SULF1: variants seen among roughly 807,000 people sequenced by gnomAD.
SULF1 encodes sulfatase 1.
In SULF1, 46 loss-of-function variants were observed where a neutral mutation model predicts 110.5. The ratio of observed to expected loss-of-function variants is 0.42; its 90% CI spans 0.33 to 0.53. The LOEUF (loss-of-function observed/expected upper bound fraction) is 0.53, where lower values mean the gene tolerates loss of function less well. Among genes scored for constraint, SULF1 ranks in the 20% least tolerant of loss-of-function variants. The pLI is 0.12. For synonymous variants in SULF1, 371 were observed against 387.1 expected (o/e 0.96, Z 0.49); for missense variants, 941 against 1,094.2 (o/e 0.86, Z 1.98).
rs1474934700 is a variant in SULF1 at position 69,529,170 on chromosome 8, G to A, written c.-134+27202G>A. The stretch of plus-strand genomic sequence containing the variant: ...CAGCTAGCAAAGGGGCAGAGCTCCC[G>A]TCAGACCCCAAAGCCTGTGTTTATT... On this transcript the variant is annotated intron_variant, in intron 3 of 22. Transcript: ENST00000402687. 9.2e-5 allele frequency among the ~76,000 whole-genome samples: 14 copies of A among 152,232 alleles called. No individual in the cohort carries two copies. In the Middle Eastern group the frequency reaches 0.01, roughly 112 times the overall value.
At chr8:69,557,478 G>A (rs1189207064) in intron 3 of SULF1, among the ~76,000 whole-genome samples, 2 of 152,096 alleles carry the variant, frequency 1.3e-5, no homozygotes, top group Non-Finnish European at 2.9e-5. Context: ...CTGCTTTTAT[G>A]AGGCAGAGTC....
At chr8:69,499,988 G>A (rs930945813) in intron 2 of SULF1, among the ~76,000 whole-genome samples, 5 of 152,066 alleles carry the variant, frequency 3.3e-5, no homozygotes, top group African/African-American at 1.2e-4. Context: ...CTGGCCTCAA[G>A]CAATCCTCCC....
At chr8:69,578,901 C>T (rs979453333) in intron 6 of SULF1, among the ~76,000 whole-genome samples, 17 of 151,452 alleles carry the variant, frequency 1.1e-4, no homozygotes, top group South Asian at 2.1e-4. Flanking sequence ...CGGTGGCTCA[C>T]GCCTGTAATC....
intron 19 of SULF1, among the ~76,000 whole-genome samples, chr8:69,634,429 CTGTT>C (rs1388657133): frequency 6.6e-6 from 1 of 152,126 alleles, no homozygotes; most frequent in East Asian, 1.9e-4. Flanking sequence ...ATTACAAAGA[CTGTT>C]TGCGTTAAAT....
At chr8:69,557,672 G>A (rs1815204047) in intron 3 of SULF1, among the ~76,000 whole-genome samples, 1 of 152,086 alleles carries the variant, frequency 6.6e-6, no homozygotes, top group Non-Finnish European at 1.5e-5. Context: ...ATATATATAT[G>A]AATTAAGCCA....
chr8:69,550,864 G>A (rs1035294124), intron 3 of SULF1, among the ~76,000 whole-genome samples: 4 of 152,116 alleles, frequency 2.6e-5, no homozygotes, highest in Non-Finnish European at 5.9e-5. Context: ...CATGATTCAT[G>A]CCCCACTTTT....
At chr8:69,518,773 T>G (rs1470613941) in intron 3 of SULF1, among the ~76,000 whole-genome samples, 3 of 152,212 alleles carry the variant, frequency 2.0e-5, no homozygotes, top group Non-Finnish European at 2.9e-5. Context: ...AAGTGTAAGT[T>G]ATTCAAGGTA....
intron 3 of SULF1, among the ~76,000 whole-genome samples, chr8:69,502,690 C>CTTTTTTTTTTTTTTTTTTTTCTT (rs765285613): frequency 1.6e-5 from 2 of 125,912 alleles, no homozygotes; most frequent in African/African-American, 6.0e-5. Flanking sequence ...CTTTTTTTTT[C>CTTTTTTTTTTTTTTTTTTTTCTT]TTTTTTTTTT....
At chr8:69,495,006 C>G (rs1032909759) in intron 1 of SULF1, among the ~76,000 whole-genome samples, 3 of 151,822 alleles carry the variant, frequency 2.0e-5, no homozygotes, top group African/African-American at 7.3e-5. Flanking sequence ...GTAGAACATT[C>G]TTGACTCAGG....
At chr8:69,588,938 G>A in intron 7 of SULF1, 34 bp from the exon 8 acceptor site, 2 of 1,591,104 alleles carry the variant, frequency 1.3e-6, no homozygotes, top group Non-Finnish European at 1.7e-6. Flanking sequence ...GTCACCTTTT[G>A]TAATTTTTGT....
chr8:69,644,683 C>T (rs955223305), intron 22 of SULF1, among the ~76,000 whole-genome samples: 2 of 150,970 alleles, frequency 1.3e-5, no homozygotes, highest in Non-Finnish European at 2.9e-5. Context: ...ATGGCGTGAA[C>T]CCGGGAGGCG....
chr8:69,520,796 C>G (rs1037967520), intron 3 of SULF1, among the ~76,000 whole-genome samples: 2 of 152,148 alleles, frequency 1.3e-5, no homozygotes, highest in African/African-American at 4.8e-5. Flanking sequence ...GATTTATCAG[C>G]TTGGGTTCTC....
chr8:69,603,744 T>G (rs1000646543), intron 12 of SULF1, 88 bp downstream of exon 12: 59 of 904,326 alleles, frequency 6.5e-5, no homozygotes, highest in Non-Finnish European at 3.5e-5. Context: ...TTATTTTTGT[T>G]TACTAAGCAT....
At chr8:69,537,470 C>G (rs1425557449) in intron 3 of SULF1, among the ~76,000 whole-genome samples, 2 of 151,948 alleles carry the variant, frequency 1.3e-5, no homozygotes, top group Non-Finnish European at 1.5e-5. Flanking sequence ...TTTTTTTGAA[C>G]AGCTTTTGGT....
intron 5 of SULF1, among the ~76,000 whole-genome samples, chr8:69,565,443 A>T (rs566141874): frequency 5.9e-5 from 9 of 152,306 alleles, no homozygotes; most frequent in African/African-American, 1.4e-4. Context: ...TTAATAGCAC[A>T]GTCTCTGCAT....
At chr8:69,579,423 C>T (rs540931376) in intron 6 of SULF1, among the ~76,000 whole-genome samples, 143 of 151,832 alleles carry the variant, frequency 9.4e-4, no homozygotes, top group African/African-American at 3.3e-3. Context: ...TTGGTGCATG[C>T]TTGTAATCCC....
intron 13 of SULF1, among the ~76,000 whole-genome samples, chr8:69,614,563 C>T (rs1371173144): frequency 2.6e-5 from 4 of 152,196 alleles, no homozygotes; most frequent in African/African-American, 9.6e-5. Context: ...GATTTGATTC[C>T]ACCAAACTAG....
At chr8:69,581,608 T>C (rs952308625) in intron 6 of SULF1, among the ~76,000 whole-genome samples, 1 of 152,166 alleles carries the variant, frequency 6.6e-6, no homozygotes, top group Non-Finnish European at 1.5e-5. Flanking sequence ...GAATTGCCAA[T>C]GCCGAAGGAT....
chr8:69,509,225 C>A (rs540388254), intron 3 of SULF1, among the ~76,000 whole-genome samples: 2 of 152,264 alleles, frequency 1.3e-5, no homozygotes, highest in South Asian at 4.1e-4. Flanking sequence ...CTATTTCCAT[C>A]ACCTTATTTC....
Sources: allele counts gnomAD v4.1 joint callset (sites outside exome capture counted in the v4.1 genomes callset), GRCh38; gene constraint gnomAD v4.1.1; transcripts MANE v1.5; gene names NCBI Gene and HGNC (gene_info 2026-07-23, HGNC 2026-07-21).